The following TECPR2 variants were observed in gnomAD, a reference collection of about 807,000 sequenced individuals.
TECPR2 encodes tectonin beta-propeller repeat-containing protein 2.
A neutral mutation model predicts 138.1 loss-of-function variants in TECPR2; 65 were observed. The ratio of observed to expected loss-of-function variants is 0.47; its 90% CI spans 0.39 to 0.58. TECPR2 has a LOEUF of 0.58. Ranked by LOEUF, TECPR2 falls within the 20% of genes least tolerant of loss-of-function variation. The pLI is 0.00. For missense variants in TECPR2, 1,553 were observed against 1,824.5 expected (o/e 0.85, Z 2.71); for synonymous variants, 746 against 749.8 (o/e 0.99, Z 0.08).
chr14:102,393,597 T>G (rs1344813203), intron 2 of TECPR2, among the ~76,000 whole-genome samples: 1 of 152,140 alleles, frequency 6.6e-6, no homozygotes, highest in Non-Finnish European at 1.5e-5. Flanking sequence ...CTCACTCTGT[T>G]GCCCAGACTG....
At chr14:102,439,305 A>T (rs895767404) in intron 10 of TECPR2, among the ~76,000 whole-genome samples, 1 of 152,006 alleles carries the variant, frequency 6.6e-6, no homozygotes. Flanking sequence ...GTGGCTTGGG[A>T]CCTGTCTGTT....
chr14:102,434,318 A>T lies in TECPR2; in HGVS notation c.1501A>T (p.Asn501Tyr). ...TCCTGGGGACAGTCCCCAGTCCTTG[A>T]ACACAGACTTGCTGTCGATGACCTC... ...EFPGDSPQSL[N>Y]TDLLSMTSSV... Residue 501 changes from asparagine to tyrosine, a missense_variant, in exon 9 of 20, where the codon AAC (asparagine) becomes TAC (tyrosine). Transcript: ENST00000359520. The T allele has an allele frequency of 1.4e-6, 2 of 1,455,872 alleles. No individual in the cohort carries two copies. Among genetic ancestry groups the T allele is most frequent in the Non-Finnish European group, 9.1e-7 (1 of 1,100,448 alleles). 90.2% of individuals were successfully genotyped at this position (1,455,872 alleles called of 1,614,324 possible). A position where few individuals can be genotyped will look rare whatever the true frequency, so the allele number is the denominator to read the frequency against.
intron 5 of TECPR2, among the ~76,000 whole-genome samples, chr14:102,418,537 A>G (rs1299823434): frequency 2.0e-5 from 3 of 152,210 alleles, no homozygotes; most frequent in Non-Finnish European, 4.4e-5. Context: ...GGCCCTGCGC[A>G]CCGAGGATCT....
chr14:102,414,793 G>C lies in TECPR2; in HGVS notation c.638G>C (p.Ser213Thr). 1 of 1,613,966 alleles carries C rather than the reference G, an allele frequency of 6.2e-7. No individual in the cohort carries two copies. Among genetic ancestry groups the C allele is most frequent in the Non-Finnish European group, 8.5e-7 (1 of 1,179,944 alleles). Residue 213 changes from serine to threonine, a missense_variant and splice_region_variant, in exon 5 of 20, where the codon AGT becomes ACT. By Grantham distance (58) the Ser-to-Thr change is moderately conservative. Coordinates refer to ENST00000359520, the MANE Select transcript of TECPR2 (RefSeq NM_014844.5). Reference protein sequence around the residue: ...VRQIGTQPRKSTGKFGACFIP... With the variant: ...VRQIGTQPRKTTGKFGACFIP... ...CAAATTGGAACACAACCAAGGAAAA[G>C]GTAAGTTTCACAAGTTTGCCAGTTT...
At position 102,363,141 on chromosome 14, in the gene TECPR2, G is replaced by GCCCCGACGC. The variant is rs3831043; in HGVS notation, c.-73+45_-73+53dup. 1.6e-3 allele frequency: 561 copies of GCCCCGACGC among 361,876 alleles called. 2 individuals carry two copies. The highest frequency in any genetic ancestry group is 6.4e-3 in the African/African-American group (299 of 46,826). The allele number at this position is 361,876 out of a possible 1,614,324, so 22.4% of individuals were successfully genotyped here. A position where few individuals can be genotyped will look rare whatever the true frequency, so the allele number is the denominator to read the frequency against. ...GGTGAGTCCGGCGACGCCGCAAGCG[G>GCCCCGACGC]CCCCGACGCCCCCGACGCCCCCGAC... On this transcript the variant is annotated intron_variant, in intron 1 of 19. Coordinates refer to ENST00000359520, the MANE Select transcript of TECPR2 (RefSeq NM_014844.5).
intron 9 of TECPR2, among the ~76,000 whole-genome samples, chr14:102,436,289 TAA>T (rs1889668179): frequency 6.6e-6 from 1 of 151,884 alleles, no homozygotes; most frequent in Non-Finnish European, 1.5e-5. Flanking sequence ...CAAAACGCCA[TAA>T]GTCTGGCTTT....
intron 17 of TECPR2, among the ~76,000 whole-genome samples, chr14:102,482,301 C>T (rs1047672261): frequency 2.0e-5 from 3 of 152,230 alleles, no homozygotes; most frequent in African/African-American, 7.2e-5. Flanking sequence ...GGTGAGCCAC[C>T]TGCCTTGGCC....
chr14:102,403,604 C>T (rs1382233163), intron 2 of TECPR2, among the ~76,000 whole-genome samples: 1 of 152,130 alleles, frequency 6.6e-6, no homozygotes, highest in Non-Finnish European at 1.5e-5. Flanking sequence ...TTGCAGATGA[C>T]ATGATCTTGT....
chr14:102,476,206 C>CAAAAAAAAAAAAAAAAAAAAAAAAAAA (rs58293049), intron 17 of TECPR2, among the ~76,000 whole-genome samples: 1 of 59,680 alleles, frequency 1.7e-5, no homozygotes, highest in Non-Finnish European at 2.9e-5. Flanking sequence ...GACTCTGTCT[C>CAAAAAAAAAAAAAAAAAAAAAAAAAAA]AAAAAAAAAA....
chr14:102,434,620 G>A lies in TECPR2; in HGVS notation c.1803G>A (p.Pro601=), dbSNP rs779281934. The change falls in exon 9 of 20, where the codon CCG becomes CCA. Residue 601 remains proline, a synonymous_variant. Transcript: ENST00000359520. ...ATGTCACGGGACTCGGAGATGAGCC[G>A]TGTCCTGCAGATGATGGACCAAATA... The part of the protein sequence containing the change: ...GSDVTGLGDE[P]CPADDGPNST... 16 of 1,585,006 alleles carry A rather than the reference G, an allele frequency of 1.0e-5. No individual in the cohort carries two copies. Among genetic ancestry groups the A allele is most frequent in the South Asian group, 4.6e-5 (4 of 87,014 alleles).
chr14:102,431,061 T>C (rs988456409), intron 7 of TECPR2, among the ~76,000 whole-genome samples: 14 of 146,386 alleles, frequency 9.6e-5, no homozygotes, highest in Non-Finnish European at 1.6e-4. Flanking sequence ...TTTCACTCTG[T>C]CGTGCAGGCT....
At chr14:102,401,037 A>T (rs904753562) in intron 2 of TECPR2, among the ~76,000 whole-genome samples, 1 of 151,988 alleles carries the variant, frequency 6.6e-6, no homozygotes, top group African/African-American at 2.4e-5. Flanking sequence ...GTCGCAAAAA[A>T]AAAGGAACAA....
chr14:102,436,182 T>G (rs1317709288), intron 9 of TECPR2, among the ~76,000 whole-genome samples: 2 of 152,176 alleles, frequency 1.3e-5, no homozygotes, highest in Non-Finnish European at 2.9e-5. Flanking sequence ...TTGCACAAGG[T>G]CACATAGCAA....
chr14:102,406,678 A>T (rs1888667522), intron 2 of TECPR2, among the ~76,000 whole-genome samples: 1 of 151,884 alleles, frequency 6.6e-6, no homozygotes. Context: ...ATATAGTGAG[A>T]CCTTGTCTCT....
chr14:102,487,219 C>T (rs941114863), intron 17 of TECPR2, among the ~76,000 whole-genome samples: 16 of 152,222 alleles, frequency 1.1e-4, no homozygotes, highest in Non-Finnish European at 2.1e-4. Flanking sequence ...TTTCCAGAGG[C>T]GTCTTTCCTG....
intron 13 of TECPR2, among the ~76,000 whole-genome samples, chr14:102,446,474 C>T (rs535170858): frequency 2.0e-4 from 31 of 152,142 alleles, no homozygotes; most frequent in Non-Finnish European, 3.5e-4. Flanking sequence ...TGGCACACGC[C>T]GTTGGTCCCA....
At chr14:102,407,929 G>A (rs551747124) in intron 3 of TECPR2, among the ~76,000 whole-genome samples, 4 of 150,580 alleles carry the variant, frequency 2.7e-5, no homozygotes, top group Non-Finnish European at 5.9e-5. Context: ...CCCGGAAGAC[G>A]GAGCTTGCAG....
intron 17 of TECPR2, among the ~76,000 whole-genome samples, chr14:102,496,317 G>C (rs1050027980): frequency 6.6e-6 from 1 of 152,218 alleles, no homozygotes; most frequent in African/African-American, 2.4e-5. Context: ...TGGAGGCCTG[G>C]TCCAACTGAG....
chr14:102,431,340 A>ATTTTT (rs35092221), intron 7 of TECPR2, among the ~76,000 whole-genome samples: 4 of 111,730 alleles, frequency 3.6e-5, no homozygotes, highest in South Asian at 2.8e-4. Flanking sequence ...GTTTTGGTGG[A>ATTTTT]TTTTTTTTTT....
Sources: gnomAD v4.1 joint callset for allele counts (sites outside exome capture counted in the v4.1 genomes callset) on GRCh38, gnomAD v4.1.1 for gene constraint, MANE v1.5 for transcripts, NCBI Gene and HGNC (gene_info 2026-07-23, HGNC 2026-07-21) for gene names.